The following GALNT18 variants were observed in gnomAD, a reference collection of about 807,000 sequenced individuals.
GALNT18 encodes polypeptide N-acetylgalactosaminyltransferase 18.
In GALNT18, 44 loss-of-function variants were observed where a neutral mutation model predicts 69.5. That is an observed-to-expected ratio of 0.63 (90% CI 0.50 to 0.81). The LOEUF (loss-of-function observed/expected upper bound fraction) is 0.81. Among genes scored for constraint, GALNT18 ranks in the 40% least tolerant of loss-of-function variants. GALNT18 has a pLI of 0.00. For missense variants in GALNT18, 715 were observed against 810.0 expected (o/e 0.88, Z 1.42); for synonymous variants, 364 against 318.2 (o/e 1.14, Z -1.53).
Position 11,605,277 on chromosome 11 carries a change from C to T in GALNT18, c.235+16082G>A, listed in dbSNP as rs906073136. Among the ~76,000 whole-genome samples the T allele has an allele frequency of 1.3e-5, 2 of 152,166 alleles. No homozygotes were observed. The highest frequency in any genetic ancestry group is 6.5e-5 in the Admixed American group (1 of 15,280). On this transcript the variant is annotated intron_variant, in intron 1 of 10. Transcript: ENST00000227756. The surrounding 1 kb of genome is among the most constrained non-coding windows in gnomAD (Gnocchi z 4.7). ...AGATAACTTGGAGTTCCAGGCTGCC[C>T]ACCTTGACACCTGGGCCATCTCCTC...
Position 11,340,895 on chromosome 11 carries a change from T to C in GALNT18, c.1202A>G (p.Asn401Ser), listed in dbSNP as rs1377566398. The stretch of plus-strand genomic sequence containing the variant: ...CCAGACTTCAGCCACCCTGAGAGCG[T>C]TCCTGCGGACATGGGCGGTGAGGTC... ...TEDLTAHVRR[N>S]ALRVAEVWMD... Residue 401 changes from asparagine to serine, a missense_variant, in exon 7 of 11, where the codon AAC (asparagine) becomes AGC (serine). Transcript: ENST00000227756. This position sits in a 1 kb window ranked among gnomAD's most constrained non-coding sequence, Gnocchi z 4.2. 1 of 1,614,100 alleles carries C rather than the reference T, an allele frequency of 6.2e-7. No homozygotes were observed. Among genetic ancestry groups the C allele is most frequent in the South Asian group, 1.1e-5 (1 of 91,050 alleles).
At chr11:11,401,417 G>A (rs1854464717) in intron 3 of GALNT18, among the ~76,000 whole-genome samples, 1 of 152,170 alleles carries the variant, frequency 6.6e-6, no homozygotes, top group Non-Finnish European at 1.5e-5. Context: ...TGCAAGGTTT[G>A]GTGCTGGGCA....
rs563317011 is a variant in GALNT18 at position 11,430,545 on chromosome 11, A to G, written c.595+2076T>C. Among the ~76,000 whole-genome samples the G allele has an allele frequency of 1.4e-4, 21 of 152,334 alleles. 1 individual carries two copies. In the East Asian group the frequency reaches 3.9e-3, roughly 28 times the overall value. ...AATGCTCTAGAGCTTTGGTTGTGAA[A>G]GGTCTAGGGTGCTGCTCGTCTGCAT... On this transcript the variant is annotated intron_variant, in intron 3 of 10. Transcript: ENST00000227756. This position sits in a 1 kb window ranked among gnomAD's most constrained non-coding sequence, Gnocchi z 4.9.
chr11:11,310,318 C>A (rs1444032021), intron 9 of GALNT18, among the ~76,000 whole-genome samples: 1 of 152,210 alleles, frequency 6.6e-6, no homozygotes, highest in Non-Finnish European at 1.5e-5. Context: ...GTAATCACCA[C>A]TTAAAAAGCT....
At chr11:11,520,393 T>C (rs1468830721) in intron 1 of GALNT18, among the ~76,000 whole-genome samples, 1 of 152,196 alleles carries the variant, frequency 6.6e-6, no homozygotes, top group Non-Finnish European at 1.5e-5. Context: ...AGTGTGAGCA[T>C]GCCCACTGCA....
intron 10 of GALNT18, among the ~76,000 whole-genome samples, chr11:11,279,521 A>G (rs532619486): frequency 1.3e-5 from 2 of 152,342 alleles, no homozygotes; most frequent in African/African-American, 4.8e-5. Flanking sequence ...AACGTCCATC[A>G]ATAGTACAGC....
intron 1 of GALNT18, among the ~76,000 whole-genome samples, chr11:11,553,906 C>G (rs960500914): frequency 1.5e-4 from 23 of 152,310 alleles, no homozygotes; most frequent in African/African-American, 5.1e-4. Flanking sequence ...CCTAAGGCAG[C>G]CCCGGAAAAT....
rs545042594 is a variant in GALNT18, at chr11:11,533,905, C to T, written c.236-84969G>A. The stretch of plus-strand genomic sequence containing the variant: ...GGGCCATGACTTGCTTACTGCCTGC[C>T]TGGCAGATGGAGTAGGGCTGGGTCT... On this transcript the variant is annotated intron_variant, in intron 1 of 10. Transcript: ENST00000227756. 1.1e-4 allele frequency among the ~76,000 whole-genome samples: 16 copies of T among 152,336 alleles called. No homozygotes were observed. In the East Asian group the frequency reaches 3.1e-3, roughly 29 times the overall value.
In GALNT18 at chr11:11,432,116, A is replaced by G. The variant is rs916991617; in HGVS notation, c.595+505T>C. The stretch of plus-strand genomic sequence containing the variant: ...AGGGGATCCAGCAAAGAGGCTAGAC[A>G]TTCAACAAGTCTGTTGCTGTCATTG... On this transcript the variant is annotated intron_variant, in intron 3 of 10. Transcript: ENST00000227756. This position sits in a 1 kb window ranked among gnomAD's most constrained non-coding sequence, Gnocchi z 5.8. 1.3e-5 allele frequency among the ~76,000 whole-genome samples: 2 copies of G among 152,232 alleles called. No individual in the cohort carries two copies. Among genetic ancestry groups the G allele is most frequent in the Non-Finnish European group, 2.9e-5 (2 of 68,030 alleles).
At chr11:11,539,346 C>T (rs1486059053) in intron 1 of GALNT18, among the ~76,000 whole-genome samples, 2 of 152,218 alleles carry the variant, frequency 1.3e-5, no homozygotes, top group African/African-American at 4.8e-5. Context: ...CCACCCTCTC[C>T]TTCTGCAACT....
chr11:11,360,758 T>C (rs1327636375), intron 6 of GALNT18, among the ~76,000 whole-genome samples: 16 of 152,184 alleles, frequency 1.1e-4, no homozygotes, highest in Admixed American at 1.0e-3. Flanking sequence ...ACTTTTTAGC[T>C]TTTATAGTTT....
intron 9 of GALNT18, among the ~76,000 whole-genome samples, chr11:11,304,992 A>T (rs773426146): frequency 5.3e-5 from 8 of 152,212 alleles, no homozygotes; most frequent in Non-Finnish European, 1.2e-4. Context: ...CATCAGCCTA[A>T]GATGACTGAT....
chr11:11,479,743 T>C lies in GALNT18; in HGVS notation c.236-30807A>G, dbSNP rs146450364. On this transcript the variant is annotated intron_variant, in intron 1 of 10. Transcript: ENST00000227756. ...CCCCATGCGGAAGTCACGTCATTGA[T>C]TCATCTGTAGCCTCTGGCCCCAGTC... is the stretch of plus-strand genomic sequence containing the variant. 5.4e-3 allele frequency among the ~76,000 whole-genome samples: 828 copies of C among 152,314 alleles called. 7 individuals are homozygous for C. Among genetic ancestry groups the C allele is most frequent in the African/African-American group, 0.019 (790 of 41,570 alleles).
At chr11:11,327,994 G>A (rs931492167) in intron 8 of GALNT18, among the ~76,000 whole-genome samples, 2 of 152,054 alleles carry the variant, frequency 1.3e-5, no homozygotes, top group African/African-American at 4.8e-5. Flanking sequence ...CTCTTATCCT[G>A]TCTTAGGAAC....
chr11:11,503,207 C>T (rs1857007764), intron 1 of GALNT18, among the ~76,000 whole-genome samples: 1 of 152,170 alleles, frequency 6.6e-6, no homozygotes, highest in Non-Finnish European at 1.5e-5. Flanking sequence ...TTAGGAGGAA[C>T]AGTGAGATTT....
At chr11:11,455,917 C>T (rs1855915267) in intron 1 of GALNT18, among the ~76,000 whole-genome samples, 1 of 152,056 alleles carries the variant, frequency 6.6e-6, no homozygotes, top group Admixed American at 6.5e-5. Context: ...GCAGAAACCC[C>T]ATCTCTACTA....
intron 10 of GALNT18, among the ~76,000 whole-genome samples, chr11:11,275,265 C>A (rs12798516): frequency 1.3e-5 from 2 of 152,046 alleles, no homozygotes; most frequent in Non-Finnish European, 2.9e-5. Flanking sequence ...TATCTCATTG[C>A]GGTTTTGATT....
chr11:11,528,486 C>T (rs1857568504), intron 1 of GALNT18, among the ~76,000 whole-genome samples: 1 of 152,194 alleles, frequency 6.6e-6, no homozygotes, highest in Admixed American at 6.5e-5. Flanking sequence ...CAATCAGATT[C>T]TTTAAGTGTG....
intron 1 of GALNT18, among the ~76,000 whole-genome samples, chr11:11,547,272 C>T (rs1858077183): frequency 6.6e-6 from 1 of 151,828 alleles, no homozygotes; most frequent in Admixed American, 6.6e-5. Flanking sequence ...CAGATCTTTC[C>T]TGAAGGCTGG....
Sources: allele counts gnomAD v4.1 joint callset (sites outside exome capture counted in the v4.1 genomes callset), GRCh38; gene constraint gnomAD v4.1.1; non-coding constraint Gnocchi (gnomAD v3.1); transcripts MANE v1.5; gene names NCBI Gene and HGNC (gene_info 2026-07-23, HGNC 2026-07-21).